CTSB: variants seen among roughly 807,000 people sequenced by gnomAD.
The protein encoded by CTSB is APP secretase.
In CTSB, 57 loss-of-function variants were observed where a neutral mutation model predicts 44.3. The observed-to-expected ratio is 1.29, with a 90% CI of 1.04 to 1.60. CTSB has a LOEUF of 1.60. Ranked by LOEUF, CTSB falls within the 40% of genes most tolerant of loss-of-function variation. The pLI, the probability that CTSB is intolerant of heterozygous loss-of-function variation, is 0.00. For missense variants in CTSB, 768 were observed against 443.0 expected (o/e 1.73, Z -6.59); for synonymous variants, 320 against 168.0 (o/e 1.91, Z -7.00).
In CTSB at chr8:11,848,233, G is replaced by T. The variant is rs141377716; in HGVS notation, c.447-81C>A. On this transcript the variant is annotated intron_variant, in intron 5 of 9. Transcript: ENST00000353047. ...ACCACTGTGTGCTACCCAAGTGCCC[G>T]AGGCCACTCGTGGACCCACCCCCAG... 74 of 1,312,420 alleles carry T rather than the reference G, an allele frequency of 5.6e-5. No homozygotes were observed. The African/African-American group carries it at 9.4e-4, about 17-fold the overall frequency. 81.3% of individuals were successfully genotyped at this position (1,312,420 alleles called of 1,614,324 possible).
Position 11,849,090 on chromosome 8 carries a change from C to G in CTSB, c.402G>C (p.Ser134=), listed in dbSNP as rs540616476. 3 of 1,613,562 alleles carry G rather than the reference C, an allele frequency of 1.9e-6. No homozygotes were observed. Among genetic ancestry groups the G allele is most frequent in the Non-Finnish European group, 2.5e-6 (3 of 1,179,826 alleles). The change falls in exon 5 of 10, where the codon TCG becomes TCC. Residue 134 remains serine, a synonymous_variant. Coordinates refer to ENST00000353047, the MANE Select transcript of CTSB (RefSeq NM_001908.5). ...HTNAHVSVEV[S]AEDLLTCCGS... is the part of the protein sequence containing the mutation. The stretch of plus-strand genomic sequence containing the variant: ...CACAGCATGTGAGCAGGTCCTCCGC[C>G]GACACCTCCACGCTGACGTGCGCAT...
chr8:11,858,620 C>T (rs1303797208), intron 1 of CTSB, among the ~76,000 whole-genome samples: 1 of 152,190 alleles, frequency 6.6e-6, no homozygotes, highest in Non-Finnish European at 1.5e-5. Context: ...TTAACCCCAG[C>T]ATTTAACATC....
Position 11,847,107 on chromosome 8 carries a change from GTT to G in CTSB, c.736_737del (p.Asn246ArgfsTer57). On this transcript the variant is annotated frameshift_variant, in exon 8 of 10. Coordinates refer to ENST00000353047, the MANE Select transcript of CTSB (RefSeq NM_001908.5). LOFTEE classifies it high-confidence loss of function. ...EKDIMAEIYK[N>X]GPVEGAFSVY... ...CAGAGAAAGCTCCCTCCACGGGGCC[GTT>G]TTTGTAGATCTCGGCCATGATGTCC... is the stretch of plus-strand genomic sequence containing the variant. 6.2e-7 allele frequency: 1 copy of G among 1,613,866 alleles called. No individual in the cohort carries two copies.
intron 3 of CTSB, among the ~76,000 whole-genome samples, chr8:11,852,326 G>A (rs1437426806): frequency 1.3e-5 from 2 of 152,082 alleles, no homozygotes; most frequent in South Asian, 2.1e-4. Flanking sequence ...AGCCAAGATC[G>A]TGCCACTGCA....
At position 11,849,137 on chromosome 8, in the gene CTSB, CAG is replaced by C; in HGVS notation, c.353_354del (p.Ser118Ter). On this transcript the variant is annotated frameshift_variant, in exon 5 of 10. Transcript: ENST00000353047. LOFTEE classifies it high-confidence loss of function. ...GCATTGGTGTGGATGCAGATCCGGT[CAG>C]AGATGGCTTCCACAGCCCCGAAGGC... is the stretch of plus-strand genomic sequence containing the variant. ...CWAFGAVEAI[S>X]DRICIHTNAH... 1 of 1,613,044 alleles carries C rather than the reference CAG, an allele frequency of 6.2e-7. No homozygotes were observed. The highest frequency in any genetic ancestry group is 8.5e-7 in the Non-Finnish European group (1 of 1,179,814).
rs1812576318 is a variant in CTSB, at chr8:11,843,199, G to C, written c.*1926C>G. 6.7e-6 allele frequency: 1 copy of C among 149,148 alleles called. No homozygotes were observed. Among genetic ancestry groups the C allele is most frequent in the Non-Finnish European group, 1.5e-5 (1 of 67,216 alleles). 9.2% of individuals were successfully genotyped at this position (149,148 alleles called of 1,614,324 possible). A position where few individuals can be genotyped will look rare whatever the true frequency, so the allele number is the denominator to read the frequency against. On this transcript the variant is annotated 3_prime_UTR_variant, in exon 10 of 10. Coordinates refer to ENST00000353047, the MANE Select transcript of CTSB (RefSeq NM_001908.5). ...CCTGACCTTGTCATCCTCCCACCTT[G>C]GCCTCCCAAAGTGCTGGGATTACAG...
In CTSB at chr8:11,844,132, G is replaced by C. The variant is rs571756388; in HGVS notation, c.*993C>G. 2 of 152,272 alleles carry C rather than the reference G, an allele frequency of 1.3e-5. No homozygotes were observed. Among genetic ancestry groups the C allele is most frequent in the African/African-American group, 4.8e-5 (2 of 41,464 alleles). 9.4% of individuals were successfully genotyped at this position (152,272 alleles called of 1,614,324 possible). ...ACAGAGAAGGTTGACGAGGATGACA[G>C]GGAACTAATTGGGGGAGGGATGCCA... On this transcript the variant is annotated 3_prime_UTR_variant, in exon 10 of 10. Transcript: ENST00000353047.
intron 4 of CTSB, among the ~76,000 whole-genome samples, chr8:11,850,459 A>G (rs573958874): frequency 6.6e-6 from 1 of 151,774 alleles, no homozygotes; most frequent in Non-Finnish European, 1.5e-5. Context: ...AAAGAAAACA[A>G]AAGAAGATTG....
rs549051383 is a variant in CTSB, at chr8:11,854,383, A to G, written c.-25-904T>C. Among the ~76,000 whole-genome samples the G allele has an allele frequency of 1.1e-4, 16 of 152,232 alleles. No homozygotes were observed. The South Asian group carries it at 3.3e-3, about 32-fold the overall frequency. ...GTCAGTGCTTAACAAACTGCCTGGC[A>G]CCTAGGGGTTCTATCTGAAGAACAA... On this transcript the variant is annotated intron_variant, in intron 1 of 9. Transcript: ENST00000353047.
chr8:11,855,500 TAA>T (rs1172358629), intron 1 of CTSB, among the ~76,000 whole-genome samples: 1 of 152,052 alleles, frequency 6.6e-6, no homozygotes, highest in African/African-American at 2.4e-5. Flanking sequence ...ATATAGAAAA[TAA>T]AGTTTTTTAA....
chr8:11,867,572 G>A (rs951830421), intron 1 of CTSB: 1 of 152,250 alleles, frequency 6.6e-6, no homozygotes, highest in Non-Finnish European at 1.5e-5. Flanking sequence ...GCCGGCAGAT[G>A]CGATTATGTC....
chr8:11,847,256 G>C, intron 7 of CTSB, 88 bp from the exon 8 acceptor site: 1 of 840,572 alleles, frequency 1.2e-6, no homozygotes, highest in Non-Finnish European at 2.0e-6. Context: ...ATTTCTGGTG[G>C]CCTCCAGGGG....
At chr8:11,846,901 G>A (rs1444206896) in intron 8 of CTSB, 151 bp downstream of exon 8, 4 of 631,400 alleles carry the variant, frequency 6.3e-6, no homozygotes, top group East Asian at 2.7e-5. Flanking sequence ...CCACAGAGGA[G>A]TGAGCCTATA....
At chr8:11,859,402 C>T (rs1816027115) in intron 1 of CTSB, among the ~76,000 whole-genome samples, 1 of 152,076 alleles carries the variant, frequency 6.6e-6, no homozygotes, top group African/African-American at 2.4e-5. Context: ...GCGGCTAAGT[C>T]ACAGGAGGTG....
chr8:11,847,416 C>G (rs1313732600), intron 7 of CTSB, among the ~76,000 whole-genome samples: 1 of 152,188 alleles, frequency 6.6e-6, no homozygotes, highest in Non-Finnish European at 1.5e-5. Context: ...TACCTCAAGA[C>G]TCCAGGACAC....
At chr8:11,850,003 G>A (rs1245485175) in intron 4 of CTSB, 1 of 152,398 alleles carries the variant, frequency 6.6e-6, no homozygotes, top group African/African-American at 2.4e-5. Context: ...CTTACCAGGG[G>A]CTACAATATT....
At chr8:11,846,774 G>A (rs1052487292) in intron 8 of CTSB, among the ~76,000 whole-genome samples, 3 of 152,234 alleles carry the variant, frequency 2.0e-5, no homozygotes, top group African/African-American at 4.8e-5. Context: ...CAGAGAACAT[G>A]TATGAGCTGG....
rs192035448 is a variant in CTSB at position 11,863,639 on chromosome 8, G to A, written c.-26+4362C>T. On this transcript the variant is annotated intron_variant, in intron 1 of 9. Transcript: ENST00000353047. ...ATGTAAAAACTCCCACATGCTTAGC[G>A]TTCTAATAATGGAACACTAGGCATA... is the stretch of plus-strand genomic sequence containing the variant. Among the ~76,000 whole-genome samples, 7 of 152,244 alleles carry A rather than the reference G, an allele frequency of 4.6e-5. No individual in the cohort carries two copies. The South Asian group carries it at 1.2e-3, about 27-fold the overall frequency.
rs941514936 is a variant in CTSB, at chr8:11,853,614, T to A, written c.-25-135A>T. 5.7e-5 allele frequency: 49 copies of A among 855,588 alleles called. No individual in the cohort carries two copies. In the East Asian group the frequency reaches 6.2e-4, roughly 11 times the overall value. 53.0% of individuals were successfully genotyped at this position (855,588 alleles called of 1,614,324 possible). A position where few individuals can be genotyped will look rare whatever the true frequency, so the allele number is the denominator to read the frequency against. ...CCCAGGCGGAGAACTCTTAAGGAGC[T>A]GAGGTGTCTATGGGATCCCCGCCCC... On this transcript the variant is annotated intron_variant, in intron 1 of 9. Coordinates refer to ENST00000353047, the MANE Select transcript of CTSB (RefSeq NM_001908.5).
Sources: gnomAD v4.1 joint callset for allele counts (sites outside exome capture counted in the v4.1 genomes callset) on GRCh38, gnomAD v4.1.1 for gene constraint, MANE v1.5 for transcripts, NCBI Gene and HGNC (gene_info 2026-07-23, HGNC 2026-07-21) for gene names.